Variants in ARAP2 observed in about 807,000 individuals in gnomAD.
ARAP2 encodes arf-GAP with Rho-GAP domain, ANK repeat and PH domain-containing protein 2.
Under a neutral mutation model 194.5 loss-of-function variants are expected in ARAP2, and 148 were observed. That is an observed-to-expected ratio of 0.76 (90% confidence interval 0.67 to 0.87). ARAP2 has a LOEUF of 0.87. Among genes scored for constraint, ARAP2 ranks in the 40% least tolerant of loss-of-function variants. The pLI is 0.00. For synonymous variants in ARAP2, 695 were observed against 683.5 expected, an observed-to-expected ratio of 1.02 and a Z score of -0.26; for missense variants, 2,128 against 1,989.7, an observed-to-expected ratio of 1.07 and a Z score of -1.32.
At chr4:36,039,091 A>G (rs374284991) in intron 5 of ARAP2, among the ~76,000 whole-genome samples, 2 of 152,310 alleles carry the variant, frequency 1.3e-5, no homozygotes, top group South Asian at 4.1e-4. Context: ...GAGAATTCGG[A>G]TATTTGTCAA....
chr4:36,030,149 A>G (rs1409243650), intron 5 of ARAP2, among the ~76,000 whole-genome samples: 1 of 152,070 alleles, frequency 6.6e-6, no homozygotes, highest in Admixed American at 6.6e-5. Flanking sequence ...TTGTGTCTCT[A>G]TAACCATTAT....
At chr4:36,182,223 T>A (rs1404168449) in intron 8 of ARAP2, among the ~76,000 whole-genome samples, 1 of 152,182 alleles carries the variant, frequency 6.6e-6, no homozygotes, top group African/African-American at 2.4e-5. Flanking sequence ...CCGGGCATGG[T>A]GGCTCACGCC....
chr4:36,009,771 T>G (rs16991843), intron 9 of ARAP2, among the ~76,000 whole-genome samples: 94,491 of 151,110 alleles, frequency 0.63, 29,719 homozygotes, highest in Admixed American at 0.75. Context: ...GCAGTTCTGA[T>G]AGAAGCCAGG....
At chr4:36,121,450 G>A in intron 22 of ARAP2, 124 bp from the exon 23 acceptor site, 1 of 849,618 alleles carries the variant, frequency 1.2e-6, no homozygotes, top group Non-Finnish European at 1.7e-6. Context: ...AAGATACAGT[G>A]GTGACTTAAA....
chr4:36,147,642 G>A lies in ARAP2; in HGVS notation c.3105C>T (p.Gly1035=). The A allele has an allele frequency of 6.2e-7, 1 of 1,613,576 alleles. No homozygotes were observed. Among genetic ancestry groups the A allele is most frequent in the Non-Finnish European group, 8.5e-7 (1 of 1,179,690 alleles). The change falls in exon 18 of 33, where the codon GGC becomes GGT. Residue 1035 remains glycine (G), a synonymous_variant. Transcript: ENST00000303965. ...AGCTGGATTTGTCCATAGCAAACCA[G>A]CCTTTTCTCCACTGATCCAGGGCAT... The part of the protein sequence containing the change: ...DCHALDQWRK[G]WFAMDKSSLH...
In ARAP2 at chr4:36,164,915, T is replaced by G; in HGVS notation, c.2172A>C (p.Ala724=). 1 of 1,613,846 alleles carries G rather than the reference T, an allele frequency of 6.2e-7. No individual in the cohort carries two copies. The highest frequency in any genetic ancestry group is 8.5e-7 in the Non-Finnish European group (1 of 1,179,756). Residue 724 remains alanine, a splice_region_variant and synonymous_variant, in exon 11 of 33, where the codon GCA becomes GCC. Transcript: ENST00000303965. ...TGAGCATAACTTGTCACTAATTACC[T>G]GCACACTTCTTACAGATGACAACAC... ...NLCVVICKKC[A]GQHRSLGPKD... is the part of the protein sequence containing the mutation.
intron 8 of ARAP2, 128 bp downstream of exon 8, chr4:36,187,323 A>T (rs1381324863): frequency 4.0e-6 from 2 of 501,922 alleles, no homozygotes; most frequent in African/African-American, 2.0e-5. Context: ...TTGAAAAATT[A>T]ATTTTAAAAT....
At chr4:36,217,026 T>C (rs1038743056) in intron 2 of ARAP2, among the ~76,000 whole-genome samples, 10 of 152,222 alleles carry the variant, frequency 6.6e-5, no homozygotes, top group Non-Finnish European at 1.2e-4. Context: ...TCTTATTCTA[T>C]ATGAGCATGT....
chr4:36,130,794 T>C (rs1306795395), intron 20 of ARAP2, among the ~76,000 whole-genome samples: 1 of 151,942 alleles, frequency 6.6e-6, no homozygotes, highest in East Asian at 1.9e-4. Context: ...ATTCAATAAA[T>C]GACTGCTTAA....
intron 5 of ARAP2, among the ~76,000 whole-genome samples, chr4:36,037,643 T>C (rs565662026): frequency 2.0e-5 from 3 of 152,302 alleles, no homozygotes; most frequent in Non-Finnish European, 2.9e-5. Flanking sequence ...TGTGTACTTA[T>C]ACTGTTTCCC....
intron 5 of ARAP2, among the ~76,000 whole-genome samples, chr4:36,021,463 A>G (rs1467346782): frequency 6.6e-6 from 1 of 152,142 alleles, no homozygotes; most frequent in Non-Finnish European, 1.5e-5. Context: ...TGTTATCACA[A>G]TAGCAAATGA....
chr4:36,175,777 T>C (rs1354954421), intron 9 of ARAP2, among the ~76,000 whole-genome samples: 1 of 152,194 alleles, frequency 6.6e-6, no homozygotes, highest in African/African-American at 2.4e-5. Flanking sequence ...GAGAATATAC[T>C]CATTTCTCAT....
At chr4:36,193,526 A>G in intron 7 of ARAP2, 52 bp downstream of exon 7, 1 of 1,221,388 alleles carries the variant, frequency 8.2e-7, no homozygotes, top group Non-Finnish European at 1.1e-6. Flanking sequence ...TGCTTATTTT[A>G]CTCTTCGTAT....
chr4:36,176,464 G>A (rs758187660), intron 9 of ARAP2, among the ~76,000 whole-genome samples: 1 of 152,044 alleles, frequency 6.6e-6, no homozygotes, highest in Non-Finnish European at 1.5e-5. Flanking sequence ...TTTAATGTGA[G>A]CAATGAAACT....
chr4:36,170,686 A>G (rs1376309791), intron 9 of ARAP2, among the ~76,000 whole-genome samples: 1 of 152,190 alleles, frequency 6.6e-6, no homozygotes, highest in Non-Finnish European at 1.5e-5. Context: ...CTATCTGTGC[A>G]TGCTATGAAG....
intron 5 of ARAP2, among the ~76,000 whole-genome samples, chr4:36,042,509 C>A (rs1721037890): frequency 6.6e-6 from 1 of 152,142 alleles, no homozygotes; most frequent in Admixed American, 6.5e-5. Flanking sequence ...ACCTTGCTCT[C>A]TTGTGTTTAT....
At chr4:36,213,475 C>A (rs2109281871) in intron 3 of ARAP2, among the ~76,000 whole-genome samples, 156 bp from the exon 4 acceptor site, 1 of 152,202 alleles carries the variant, frequency 6.6e-6, no homozygotes, top group East Asian at 1.9e-4. Context: ...ATCCCCAAAT[C>A]AATTCTCCCC....
chr4:36,212,473 CT>C lies in ARAP2; in HGVS notation c.1055del (p.Lys352ArgfsTer5). ...RLENSKKRSI[K>X]NEFLTQGEAL... ...CTTCTCCCTGGGTCAAAAATTCATT[CT>C]TTATAGATCGCTTCTATTAAAAAAG... On this transcript the variant is annotated frameshift_variant, in exon 5 of 33. Transcript: ENST00000303965. LOFTEE classifies it high-confidence loss of function. 1 of 1,611,320 alleles carries C rather than the reference CT, an allele frequency of 6.2e-7. No individual in the cohort carries two copies. Among genetic ancestry groups the C allele is most frequent in the Non-Finnish European group, 8.5e-7 (1 of 1,178,228 alleles).
intron 27 of ARAP2, among the ~76,000 whole-genome samples, chr4:36,097,361 C>G (rs1406852781): frequency 1.3e-5 from 2 of 152,004 alleles, no homozygotes; most frequent in Admixed American, 6.6e-5. Flanking sequence ...CTCTCAAAAC[C>G]AAATTCCTGT....
Sources: gnomAD v4.1 joint callset for allele counts (sites outside exome capture counted in the v4.1 genomes callset) on GRCh38, gnomAD v4.1.1 for gene constraint, MANE v1.5 for transcripts, NCBI Gene and HGNC (gene_info 2026-07-23, HGNC 2026-07-21) for gene names.